The following SMC5 variants were observed in gnomAD, a reference collection of about 807,000 sequenced individuals.
SMC5 encodes the protein structural maintenance of chromosomes protein 5.
A neutral mutation model predicts 148.3 loss-of-function variants in SMC5; 88 were observed. The observed-to-expected ratio is 0.59, with a 90% CI of 0.50 to 0.71. The LOEUF (loss-of-function observed/expected upper bound fraction) is 0.71. SMC5 is among the 30% of genes least tolerant of loss of function. The probability of loss-of-function intolerance (pLI) is 0.00; values close to 1 mark genes in which losing one functional copy is unlikely to be tolerated. For synonymous variants in SMC5, 421 were observed against 432.8 expected, an observed-to-expected ratio of 0.97 and a Z score of 0.34; for missense variants, 1,142 against 1,298.9, an observed-to-expected ratio of 0.88 and a Z score of 1.86.
chr9:70,296,324 T>C (rs1270898215), intron 8 of SMC5, among the ~76,000 whole-genome samples: 1 of 152,096 alleles, frequency 6.6e-6, no homozygotes, highest in African/African-American at 2.4e-5. Context: ...CGTAAAAGTT[T>C]ACCGAGGCAG....
chr9:70,277,773 T>C (rs1053629862), intron 4 of SMC5, among the ~76,000 whole-genome samples: 2 of 152,078 alleles, frequency 1.3e-5, no homozygotes, highest in African/African-American at 4.8e-5. Flanking sequence ...ATGTTGTTAA[T>C]GAACAACTTT....
chr9:70,320,829 T>C (rs564659925), intron 15 of SMC5, among the ~76,000 whole-genome samples: 2 of 152,346 alleles, frequency 1.3e-5, no homozygotes, highest in East Asian at 3.9e-4. Flanking sequence ...TAAGGGAATT[T>C]GGCATTTTTA....
At chr9:70,300,943 G>C (rs1259500374) in intron 10 of SMC5, among the ~76,000 whole-genome samples, 1 of 151,872 alleles carries the variant, frequency 6.6e-6, no homozygotes, top group Admixed American at 6.6e-5. Context: ...ATCCTTTCAG[G>C]ATTCGTGAAA....
rs769506767 is a variant in SMC5, at chr9:70,353,370, A to C, written c.*1039A>C. 1 of 152,160 alleles carries C rather than the reference A, an allele frequency of 6.6e-6. No homozygotes were observed. The highest frequency in any genetic ancestry group is 2.1e-4 in the South Asian group (1 of 4,834). 9.4% of individuals were successfully genotyped at this position (152,160 alleles called of 1,614,324 possible). ...AGTTTAAACTGTTTTCTTTCACCGC[A>C]AAAGAATTAAATGGGAAAATCATTT... On this transcript the variant is annotated 3_prime_UTR_variant, in exon 25 of 25. Coordinates refer to ENST00000361138, the MANE Select transcript of SMC5 (RefSeq NM_015110.4).
chr9:70,349,652 C>T (rs1202922092), intron 22 of SMC5, among the ~76,000 whole-genome samples: 4 of 152,078 alleles, frequency 2.6e-5, no homozygotes, highest in Non-Finnish European at 5.9e-5. Context: ...ATTCTTGGCC[C>T]TCTGCAGTTA....
At chr9:70,335,963 C>G (rs1245334613) in intron 17 of SMC5, among the ~76,000 whole-genome samples, 3 of 152,152 alleles carry the variant, frequency 2.0e-5, no homozygotes, top group Admixed American at 2.0e-4. Context: ...TCCGCTACCC[C>G]TCTTTAACAA....
chr9:70,269,537 T>A (rs1041298946), intron 3 of SMC5, among the ~76,000 whole-genome samples: 5 of 152,044 alleles, frequency 3.3e-5, no homozygotes, highest in African/African-American at 1.2e-4. Flanking sequence ...GCCATGATTG[T>A]GCCACCGCAC....
In SMC5 at chr9:70,334,618, A is replaced by G. The variant is rs531829450; in HGVS notation, c.2398-9526A>G. 2.0e-5 allele frequency among the ~76,000 whole-genome samples: 3 copies of G among 152,172 alleles called. No homozygotes were observed. The East Asian group carries it at 5.8e-4, about 29-fold the overall frequency. ...TAGTTTTCATACTTTTTAAAGAGAGAGAGAGAGTGTGTGTATGTGTGTGTG... is the reference window on the plus strand; with the variant it reads ...TAGTTTTCATACTTTTTAAAGAGAGGGAGAGAGTGTGTGTATGTGTGTGTG... On this transcript the variant is annotated intron_variant, in intron 17 of 24. Transcript: ENST00000361138.
chr9:70,349,579 A>C (rs1328746941), intron 22 of SMC5, among the ~76,000 whole-genome samples: 3 of 152,208 alleles, frequency 2.0e-5, no homozygotes, highest in Non-Finnish European at 2.9e-5. Flanking sequence ...TTAAGTTTTC[A>C]AAGTATATGT....
At chr9:70,337,071 G>A (rs1587709173) in intron 17 of SMC5, among the ~76,000 whole-genome samples, 1 of 152,130 alleles carries the variant, frequency 6.6e-6, no homozygotes, top group South Asian at 2.1e-4. Flanking sequence ...GAACAGCACA[G>A]GAAGGACCTG....
At chr9:70,289,054 A>G (rs997796837) in intron 8 of SMC5, among the ~76,000 whole-genome samples, 1 of 151,892 alleles carries the variant, frequency 6.6e-6, no homozygotes, top group African/African-American at 2.4e-5. Flanking sequence ...TGTTGTTGTT[A>G]TGAGACGGAG....
intron 24 of SMC5, among the ~76,000 whole-genome samples, chr9:70,350,785 CA>C (rs1258217962): frequency 6.6e-6 from 1 of 152,004 alleles, no homozygotes; most frequent in African/African-American, 2.4e-5. Context: ...TTCATTTTCC[CA>C]AAAAAGCCTC....
intron 17 of SMC5, among the ~76,000 whole-genome samples, chr9:70,328,203 A>G (rs2036131194): frequency 6.6e-6 from 1 of 152,132 alleles, no homozygotes; most frequent in South Asian, 2.1e-4. Context: ...TGTCCTTTTC[A>G]TATTTCAGAA....
At chr9:70,319,756 A>G (rs1412667324) in intron 15 of SMC5, among the ~76,000 whole-genome samples, 1 of 152,170 alleles carries the variant, frequency 6.6e-6, no homozygotes, top group African/African-American at 2.4e-5. Flanking sequence ...TGATTTAGTT[A>G]TAGCATGCAT....
intron 10 of SMC5, among the ~76,000 whole-genome samples, chr9:70,304,766 CTG>C: frequency 6.6e-6 from 1 of 151,264 alleles, no homozygotes; most frequent in Non-Finnish European, 1.5e-5. Context: ...CTCTTGAGGG[CTG>C]TAATAGTTAC....
In SMC5 at chr9:70,315,444, A is replaced by G; in HGVS notation, c.1674-2A>G. On this transcript the variant is annotated splice_acceptor_variant, in intron 12 of 24. Transcript: ENST00000361138. LOFTEE classifies it high-confidence loss of function. ...AAATCTAATCAATACTTTTCCTTTC[A>G]GACAATACGGATTTTTCTCTTATTT... 6.4e-7 allele frequency: 1 copy of G among 1,561,150 alleles called. No homozygotes were observed. The highest frequency in any genetic ancestry group is 8.7e-7 in the Non-Finnish European group (1 of 1,152,210).
At chr9:70,289,281 A>G (rs942131090) in intron 8 of SMC5, among the ~76,000 whole-genome samples, 1 of 152,166 alleles carries the variant, frequency 6.6e-6, no homozygotes, top group Middle Eastern at 3.4e-3. Flanking sequence ...CAAGTGATCC[A>G]CCTGCCTTGG....
Position 70,352,295 on chromosome 9 carries a change from G to A in SMC5, c.3270G>A (p.Arg1090=). The A allele has an allele frequency of 6.2e-7, 1 of 1,612,598 alleles. No individual in the cohort carries two copies. Among genetic ancestry groups the A allele is most frequent in the African/African-American group, 1.3e-5 (1 of 74,940 alleles). ...PNTWNLKAFQ[R]RRRRITFTQP... is the part of the protein sequence containing the mutation. ...CATGGAATTTAAAGGCTTTCCAAAGGCGGCGGCGCCGTATTACATTCACTC... is the reference window on the plus strand; with the variant it reads ...CATGGAATTTAAAGGCTTTCCAAAGACGGCGGCGCCGTATTACATTCACTC... Residue 1090 remains arginine, a synonymous_variant, in exon 25 of 25, where the codon AGG becomes AGA. Transcript: ENST00000361138.
At chr9:70,288,621 G>T (rs1473154277) in intron 8 of SMC5, among the ~76,000 whole-genome samples, 2 of 151,694 alleles carry the variant, frequency 1.3e-5, no homozygotes, top group Non-Finnish European at 2.9e-5. Context: ...GCATCATTTG[G>T]CTACATCTCA....
Sources: gnomAD v4.1 joint callset for allele counts (sites outside exome capture counted in the v4.1 genomes callset) on GRCh38, gnomAD v4.1.1 for gene constraint, MANE v1.5 for transcripts, NCBI Gene and HGNC (gene_info 2026-07-23, HGNC 2026-07-21) for gene names.